DLGAP3: variants seen among roughly 807,000 people sequenced by gnomAD.
DLGAP3 encodes the protein DLG associated protein 3, also known as disks large-associated protein 3.
Under a neutral mutation model 81.2 loss-of-function variants are expected in DLGAP3, and 17 were observed. The ratio of observed to expected loss-of-function variants is 0.21; its 90% confidence interval spans 0.14 to 0.31. The LOEUF is 0.31. DLGAP3 is among the 10% of genes least tolerant of loss of function. The probability of loss-of-function intolerance (pLI) is 1.00; values close to 1 mark genes in which losing one functional copy is unlikely to be tolerated. For missense variants in DLGAP3, 1,124 were observed against 1,388.0 expected (o/e 0.81, Z 3.02); for synonymous variants, 577 against 587.4 (o/e 0.98, Z 0.26).
intron 1 of DLGAP3, among the ~76,000 whole-genome samples, chr1:34,913,587 C>T (rs377160320): frequency 7.2e-5 from 11 of 152,240 alleles, no homozygotes; most frequent in South Asian, 4.1e-4. Context: ...TTGTCTATTG[C>T]GTGTTTATAG....
chr1:34,874,436 A>G (rs1639021039), intron 8 of DLGAP3, among the ~76,000 whole-genome samples: 3 of 152,192 alleles, frequency 2.0e-5, no homozygotes, highest in Admixed American at 6.5e-5. Context: ...ATTTGGCAGT[A>G]TTTGCTGTGG....
At chr1:34,874,900 G>A (rs2148395759) in intron 8 of DLGAP3, among the ~76,000 whole-genome samples, 1 of 152,200 alleles carries the variant, frequency 6.6e-6, no homozygotes, top group African/African-American at 2.4e-5. Flanking sequence ...AGCTTCTATA[G>A]AAGCTCCTGT....
intron 5 of DLGAP3, among the ~76,000 whole-genome samples, chr1:34,890,917 A>T (rs1383605333): frequency 6.6e-6 from 1 of 152,264 alleles, no homozygotes; most frequent in Non-Finnish European, 1.5e-5. Context: ...AAATTGTGAC[A>T]TAAACAAAAA....
intron 1 of DLGAP3, among the ~76,000 whole-genome samples, chr1:34,924,128 C>T (rs762173938): frequency 3.9e-4 from 59 of 152,160 alleles, no homozygotes; most frequent in Non-Finnish European, 6.2e-4. Context: ...GCTCTATTCC[C>T]TTCATGGTTA....
intron 1 of DLGAP3, among the ~76,000 whole-genome samples, chr1:34,924,912 C>G (rs556747019): frequency 3.2e-4 from 48 of 152,326 alleles, no homozygotes; most frequent in Middle Eastern, 3.4e-3. Flanking sequence ...GAGAATTTTT[C>G]TAGTGAGCCC....
intron 8 of DLGAP3, among the ~76,000 whole-genome samples, chr1:34,875,536 C>T (rs145844628): frequency 1.6e-4 from 24 of 152,128 alleles, no homozygotes; most frequent in Middle Eastern, 3.4e-3. Flanking sequence ...TTTGTTTTTG[C>T]TAAATTTACA....
rs573556484 is a variant in DLGAP3 at position 34,896,305 on chromosome 1, G to A, written c.1386+3364C>T. On this transcript the variant is annotated intron_variant, in intron 5 of 11. Coordinates refer to ENST00000373347, the MANE Select transcript of DLGAP3 (RefSeq NM_001080418.3). The stretch of plus-strand genomic sequence containing the variant: ...AAGAGGTCATCAAAATCAGAATGTC[G>A]GCCAGGTGTGGTGGCTCATGTCTGT... Among the ~76,000 whole-genome samples the A allele has an allele frequency of 9.4e-4, 143 of 152,182 alleles. 1 individual carries two copies. The highest frequency in any genetic ancestry group is 9.4e-3 in the Admixed American group (143 of 15,274).
intron 1 of DLGAP3, among the ~76,000 whole-genome samples, chr1:34,922,675 A>C (rs146853801): frequency 6.6e-6 from 1 of 152,236 alleles, no homozygotes; most frequent in Non-Finnish European, 1.5e-5. Context: ...TATACACAGC[A>C]TACTCACATA....
In DLGAP3 at chr1:34,885,566, G is replaced by A; in HGVS notation, c.1826C>T (p.Pro609Leu). 1 of 1,606,348 alleles carries A rather than the reference G, an allele frequency of 6.2e-7. No homozygotes were observed. The highest frequency in any genetic ancestry group is 8.5e-7 in the Non-Finnish European group (1 of 1,179,388). ...AGGGATGGTCTTGATGATGAGTGTG[G>A]GGGGCTTGGGGCTGGCCCGGGGCGG... ...PVPPRASPKP[P>L]TLIIKTIPGR... The change falls in exon 7 of 12, where the codon CCC becomes CTC. Residue 609 changes from proline to leucine, a missense_variant. By Grantham distance (98) the Pro-to-Leu change is moderately conservative (BLOSUM62 -3). Coordinates refer to ENST00000373347, the MANE Select transcript of DLGAP3 (RefSeq NM_001080418.3).
chr1:34,905,659 T>C (rs1639539804), intron 2 of DLGAP3, among the ~76,000 whole-genome samples: 1 of 152,100 alleles, frequency 6.6e-6, no homozygotes, highest in Non-Finnish European at 1.5e-5. Context: ...ACTGCAAATC[T>C]GATAAATACT....
chr1:34,911,995 G>A (rs899326874), intron 1 of DLGAP3, among the ~76,000 whole-genome samples: 1 of 152,150 alleles, frequency 6.6e-6, no homozygotes, highest in Admixed American at 6.5e-5. Context: ...AGACTCTGTG[G>A]GCTCAAATCC....
At chr1:34,899,784 A>G in intron 4 of DLGAP3, 43 bp from the exon 5 acceptor site, 3 of 1,540,592 alleles carry the variant, frequency 1.9e-6, no homozygotes, top group Non-Finnish European at 2.7e-6. Context: ...GTGGACTGCT[A>G]GGAGGTGGGG....
rs1639239692 is a variant in DLGAP3, at chr1:34,886,843, C to T, written c.1387-558G>A. 4.7e-5 allele frequency among the ~76,000 whole-genome samples: 7 copies of T among 147,648 alleles called. No homozygotes were observed. The Admixed American group carries it at 4.8e-4, about 10-fold the overall frequency. The stretch of plus-strand genomic sequence containing the variant: ...TATATATACACTACATGTATATATG[C>T]TATATATATATAAAATACCAACTGG... On this transcript the variant is annotated intron_variant, in intron 5 of 11. Transcript: ENST00000373347.
intron 6 of DLGAP3, 108 bp downstream of exon 6, chr1:34,885,964 G>C: frequency 7.9e-7 from 1 of 1,259,356 alleles, no homozygotes; most frequent in Non-Finnish European, 1.1e-6. Flanking sequence ...CCGACCCCGG[G>C]AGCGAGCGAT....
At chr1:34,893,791 TG>T (rs1411825919) in intron 5 of DLGAP3, among the ~76,000 whole-genome samples, 7 of 152,310 alleles carry the variant, frequency 4.6e-5, no homozygotes, top group Non-Finnish European at 1.0e-4. Context: ...TAAATATAAA[TG>T]GTACACTAAA....
intron 8 of DLGAP3, among the ~76,000 whole-genome samples, chr1:34,875,753 G>C (rs1639041079): frequency 6.6e-6 from 1 of 152,248 alleles, no homozygotes; most frequent in Admixed American, 6.5e-5. Flanking sequence ...GACATGTTGA[G>C]ACACGGCTGG....
chr1:34,900,414 G>A lies in DLGAP3; in HGVS notation c.1108-141C>T, dbSNP rs1227065285. The A allele has an allele frequency of 1.2e-6, 1 of 861,958 alleles. No homozygotes were observed. The highest frequency in any genetic ancestry group is 1.4e-5 in the South Asian group (1 of 70,642). 53.4% of individuals were successfully genotyped at this position (861,958 alleles called of 1,614,324 possible). A position where few individuals can be genotyped will look rare whatever the true frequency, so the allele number is the denominator to read the frequency against. On this transcript the variant is annotated intron_variant, in intron 3 of 11. Coordinates refer to ENST00000373347, the MANE Select transcript of DLGAP3 (RefSeq NM_001080418.3). The surrounding 1 kb of genome is among the most constrained non-coding windows in gnomAD (Gnocchi z 5.6). ...GGTACATGCAGAGGCAGAAGGGGAG[G>A]TAGGGTCTCAGGCTGTCCCCGTCCC...
intron 1 of DLGAP3, among the ~76,000 whole-genome samples, chr1:34,924,872 A>T (rs1031081976): frequency 6.6e-6 from 1 of 152,170 alleles, no homozygotes; most frequent in Non-Finnish European, 1.5e-5. Flanking sequence ...CCATATTTCC[A>T]TCCATGCCCT....
chr1:34,907,271 C>T (rs1023618175), intron 2 of DLGAP3, 84 bp downstream of exon 2: 1 of 152,526 alleles, frequency 6.6e-6, no homozygotes, highest in Non-Finnish European at 1.5e-5. Flanking sequence ...GTGGATGAGT[C>T]ACTTTGAATC....
Sources: gnomAD v4.1 joint callset for allele counts (sites outside exome capture counted in the v4.1 genomes callset) on GRCh38, gnomAD v4.1.1 for gene constraint, Gnocchi (gnomAD v3.1) non-coding constraint, MANE v1.5 for transcripts, NCBI Gene and HGNC (gene_info 2026-07-23, HGNC 2026-07-21) for gene names.